OR9Q1: variants seen among roughly 807,000 people sequenced by gnomAD.
The protein encoded by OR9Q1 is olfactory receptor 9Q1.
For missense variants in OR9Q1, 374 were observed against 378.8 expected (o/e 0.99, Z 0.11); for synonymous variants, 153 against 148.6 (o/e 1.03, Z -0.22).
intron 2 of OR9Q1, among the ~76,000 whole-genome samples, chr11:58,141,927 C>T (rs1412837793): frequency 1.3e-5 from 2 of 152,118 alleles, no homozygotes; most frequent in Non-Finnish European, 2.9e-5. Context: ...ACAATGTTGC[C>T]TGGAACATGT....
chr11:58,140,963 T>C (rs1854242571), intron 2 of OR9Q1, among the ~76,000 whole-genome samples: 2 of 152,184 alleles, frequency 1.3e-5, no homozygotes, highest in Non-Finnish European at 2.9e-5. Context: ...TTTATTTCAT[T>C]GAGTAGTGGT....
At chr11:58,164,716 G>C (rs1345769114) in intron 2 of OR9Q1, among the ~76,000 whole-genome samples, 1 of 152,052 alleles carries the variant, frequency 6.6e-6, no homozygotes, top group African/African-American at 2.4e-5. Context: ...TTTTGCCATG[G>C]CTGCTCTTAA....
At position 58,068,104 on chromosome 11, in the gene OR9Q1, C is replaced by A. The variant is rs560553895; in HGVS notation, c.-15+12157C>A. Among the ~76,000 whole-genome samples, 760 of 151,476 alleles carry A rather than the reference C, an allele frequency of 5.0e-3. 2 individuals carry two copies. The highest frequency in any genetic ancestry group is 7.1e-3 in the South Asian group (34 of 4,782). ...CTGTAATCCCAGGACTTTGGGAGGC[C>A]GAGGTGGGTGGATTACCTGAGTTCA... On this transcript the variant is annotated intron_variant, in intron 2 of 2. Coordinates refer to ENST00000335397, the MANE Select transcript of OR9Q1 (RefSeq NM_001005212.4).
intron 2 of OR9Q1, among the ~76,000 whole-genome samples, chr11:58,175,387 C>T (rs988989146): frequency 6.6e-6 from 1 of 152,012 alleles, no homozygotes; most frequent in Non-Finnish European, 1.5e-5. Context: ...GAGTTTTGCC[C>T]ATCATTCTCC....
intron 2 of OR9Q1, among the ~76,000 whole-genome samples, chr11:58,112,530 C>A (rs915873216): frequency 6.6e-6 from 1 of 152,084 alleles, no homozygotes; most frequent in Non-Finnish European, 1.5e-5. Context: ...GGACATGTCC[C>A]GTTGGACTTG....
intron 2 of OR9Q1, among the ~76,000 whole-genome samples, chr11:58,119,942 C>T (rs1476254506): frequency 6.6e-6 from 1 of 152,166 alleles, no homozygotes; most frequent in Non-Finnish European, 1.5e-5. Context: ...ATCACTTCTT[C>T]TTATGAAAGC....
rs1854237740 is a variant in OR9Q1, at chr11:58,140,610, T to C, written c.-14-38821T>C. Reference sequence around the variant, plus strand: ...TCAGATAGTTGTAGATATGCGGAATTATTTCTGAGGGCTCCGTTCTGTTCC... The same window carrying C: ...TCAGATAGTTGTAGATATGCGGAATCATTTCTGAGGGCTCCGTTCTGTTCC... On this transcript the variant is annotated intron_variant, in intron 2 of 2. Transcript: ENST00000335397. 2.6e-5 allele frequency among the ~76,000 whole-genome samples: 4 copies of C among 152,178 alleles called. No homozygotes were observed. In the South Asian group the frequency reaches 8.3e-4, roughly 32 times the overall value.
Position 58,171,598 on chromosome 11 carries a change from G to C in OR9Q1, c.-14-7833G>C, listed in dbSNP as rs1425504581. 3.3e-5 allele frequency: 5 copies of C among 152,218 alleles called. No individual in the cohort carries two copies. In the East Asian group the frequency reaches 9.6e-4, roughly 29 times the overall value. 9.4% of individuals were successfully genotyped at this position (152,218 alleles called of 1,614,324 possible). A position where few individuals can be genotyped will look rare whatever the true frequency, so the allele number is the denominator to read the frequency against. On this transcript the variant is annotated intron_variant, in intron 2 of 2. Coordinates refer to ENST00000335397, the MANE Select transcript of OR9Q1 (RefSeq NM_001005212.4). ...CAGCAGTAGGCAAGTCCCTTACAGGGGAGAGGGCCGTGACCATGTTTTAGA... is the reference window on the plus strand; with the variant it reads ...CAGCAGTAGGCAAGTCCCTTACAGGCGAGAGGGCCGTGACCATGTTTTAGA...
At chr11:58,173,652 C>A (rs1469810619) in intron 2 of OR9Q1, among the ~76,000 whole-genome samples, 1 of 152,046 alleles carries the variant, frequency 6.6e-6, no homozygotes, top group Non-Finnish European at 1.5e-5. Flanking sequence ...CTGAACCCCA[C>A]CCCCTCAGCC....
At chr11:58,144,240 C>A (rs965660641) in intron 2 of OR9Q1, among the ~76,000 whole-genome samples, 1 of 138,028 alleles carries the variant, frequency 7.2e-6, no homozygotes, top group Non-Finnish European at 1.5e-5. Context: ...CATGTGTTCT[C>A]ATTGTTCAAT....
chr11:58,047,426 A>C (rs1050991560), intron 1 of OR9Q1: 3 of 152,220 alleles, frequency 2.0e-5, no homozygotes, highest in South Asian at 2.1e-4. Flanking sequence ...CTGTCCTGAC[A>C]GGTCTGGGAG....
rs201750936 is a variant in OR9Q1 at position 58,180,287 on chromosome 11, C to T, written c.843C>T (p.Ile281=). 16 of 1,613,730 alleles carry T rather than the reference C, an allele frequency of 9.9e-6. No individual in the cohort carries two copies. The East Asian group carries it at 3.6e-4, about 36-fold the overall frequency. The change falls in exon 3 of 3, where the codon ATC becomes ATT. Residue 281 remains isoleucine, a synonymous_variant. Transcript: ENST00000335397. ...TGTCTGTGCTTTACACAGAGGTCAT[C>T]CCCATGTTGAATCCCCTCATCTACA... ...RVVSVLYTEV[I]PMLNPLIYSL...
chr11:58,145,852 G>C (rs58751000), intron 2 of OR9Q1, among the ~76,000 whole-genome samples: 1 of 152,114 alleles, frequency 6.6e-6, no homozygotes, highest in Non-Finnish European at 1.5e-5. Context: ...TATATAGTAA[G>C]GGGCAGTCAC....
intron 2 of OR9Q1, among the ~76,000 whole-genome samples, chr11:58,113,313 C>G (rs1428622398): frequency 2.6e-5 from 4 of 152,144 alleles, no homozygotes; most frequent in Admixed American, 2.6e-4. Context: ...CCTCCCAAGT[C>G]AATCTTGATG....
rs376641777 is a variant in OR9Q1, at chr11:58,084,960, A to G, written c.-15+29013A>G. Among the ~76,000 whole-genome samples, 77 of 151,996 alleles carry G rather than the reference A, an allele frequency of 5.1e-4. 4 individuals are homozygous for G. In the East Asian group the frequency reaches 9.6e-3, roughly 19 times the overall value. On this transcript the variant is annotated intron_variant, in intron 2 of 2. Coordinates refer to ENST00000335397, the MANE Select transcript of OR9Q1 (RefSeq NM_001005212.4). Reference sequence around the variant, plus strand: ...TAGCCAGAGCAATCAGGCAAGAGAAAGAGGTAAAAGGCATCCAAACAGGAA... The same window carrying G: ...TAGCCAGAGCAATCAGGCAAGAGAAGGAGGTAAAAGGCATCCAAACAGGAA...
At chr11:58,078,709 AG>A (rs1853562408) in intron 2 of OR9Q1, 1 of 152,220 alleles carries the variant, frequency 6.6e-6, no homozygotes, top group East Asian at 1.9e-4. Context: ...AGGATGTCCT[AG>A]GCATATCTCA....
intron 2 of OR9Q1, among the ~76,000 whole-genome samples, chr11:58,102,431 T>C (rs538039039): frequency 6.6e-6 from 1 of 152,304 alleles, no homozygotes; most frequent in East Asian, 1.9e-4. Flanking sequence ...TAGGACTCCT[T>C]AAGTATCTCT....
rs534171755 is a variant in OR9Q1, at chr11:58,166,570, T to G, written c.-14-12861T>G. Among the ~76,000 whole-genome samples the G allele has an allele frequency of 1.1e-4, 16 of 152,328 alleles. No individual in the cohort carries two copies. The South Asian group carries it at 3.3e-3, about 32-fold the overall frequency. On this transcript the variant is annotated intron_variant, in intron 2 of 2. Transcript: ENST00000335397. ...TTTCCAATAACAAACAATGTTGCAA[T>G]AGACATCTTTGAATGTGACTGGTTA...
chr11:58,141,720 C>G (rs1252583604), intron 2 of OR9Q1, among the ~76,000 whole-genome samples: 1 of 152,112 alleles, frequency 6.6e-6, no homozygotes, highest in Non-Finnish European at 1.5e-5. Context: ...GGTCAAGTAA[C>G]TTGTACAAGG....
Sources: allele counts gnomAD v4.1 joint callset (sites outside exome capture counted in the v4.1 genomes callset), GRCh38; gene constraint gnomAD v4.1.1; transcripts MANE v1.5; gene names NCBI Gene and HGNC (gene_info 2026-07-23, HGNC 2026-07-21).